The following TMEM132C variants were observed in gnomAD, a reference collection of about 807,000 sequenced individuals.
The protein encoded by TMEM132C is transmembrane protein 132C.
Under a neutral mutation model 61.4 loss-of-function variants are expected in TMEM132C, and 29 were observed. The ratio of observed to expected loss-of-function variants is 0.47; its 90% CI spans 0.35 to 0.64. The LOEUF (loss-of-function observed/expected upper bound fraction) is 0.64. TMEM132C is among the 30% of genes least tolerant of loss of function. TMEM132C has a pLI of 0.00. For synonymous variants in TMEM132C, 656 were observed against 633.1 expected (o/e 1.04, Z -0.54); for missense variants, 1,408 against 1,476.9 (o/e 0.95, Z 0.76).
intron 2 of TMEM132C, among the ~76,000 whole-genome samples, chr12:128,543,086 AAAC>A (rs1354970842): frequency 5.3e-5 from 8 of 152,126 alleles, no homozygotes; most frequent in African/African-American, 1.9e-4. Flanking sequence ...GGTGTGATCA[AAAC>A]AACAGCAGCT....
chr12:128,628,051 G>T (rs1954033639), intron 4 of TMEM132C, among the ~76,000 whole-genome samples: 1 of 152,098 alleles, frequency 6.6e-6, no homozygotes, highest in African/African-American at 2.4e-5. Context: ...TATCGCACCT[G>T]CCCATCTGTG....
At position 128,407,663 on chromosome 12, in the gene TMEM132C, A is replaced by G. The variant is rs181034067; in HGVS notation, c.86-7069A>G. ...CAGGCTTGTTCTTCTTCCTACTATC[A>G]GGTGTCCAAAAGAGGCAGAGTGGAA... On this transcript the variant is annotated intron_variant, in intron 1 of 8. Transcript: ENST00000435159. 3.7e-4 allele frequency among the ~76,000 whole-genome samples: 56 copies of G among 152,226 alleles called. No homozygotes were observed. In the East Asian group the frequency reaches 0.011, roughly 29 times the overall value.
intron 4 of TMEM132C, among the ~76,000 whole-genome samples, chr12:128,639,504 TCAGATC>T (rs1323029589): frequency 6.6e-6 from 1 of 152,112 alleles, no homozygotes; most frequent in Admixed American, 6.5e-5. Flanking sequence ...TAGCCAAAAA[TCAGATC>T]TGATAAATGA....
intron 4 of TMEM132C, among the ~76,000 whole-genome samples, chr12:128,641,889 A>C (rs569280774): frequency 6.7e-6 from 1 of 150,020 alleles, no homozygotes; most frequent in Non-Finnish European, 1.5e-5. Flanking sequence ...CCACCTCTTA[A>C]GTTCAAGTGA....
At chr12:128,490,429 C>A (rs60231244) in intron 2 of TMEM132C, among the ~76,000 whole-genome samples, 1 of 152,184 alleles carries the variant, frequency 6.6e-6, no homozygotes, top group Non-Finnish European at 1.5e-5. Flanking sequence ...CTTCCACACC[C>A]TCATTGCCCC....
chr12:128,328,201 C>G (rs1197543060), intron 1 of TMEM132C, among the ~76,000 whole-genome samples: 2 of 152,030 alleles, frequency 1.3e-5, no homozygotes, highest in African/African-American at 4.8e-5. Context: ...TGAGCTATTT[C>G]AAAATAACTA....
intron 2 of TMEM132C, among the ~76,000 whole-genome samples, chr12:128,496,527 C>T (rs1871967229): frequency 6.6e-6 from 1 of 152,132 alleles, no homozygotes; most frequent in Admixed American, 6.5e-5. Flanking sequence ...AGGCTTTATT[C>T]ATTTCTTTTT....
chr12:128,564,052 G>T (rs753500036), intron 3 of TMEM132C, among the ~76,000 whole-genome samples: 5 of 152,194 alleles, frequency 3.3e-5, no homozygotes, highest in Non-Finnish European at 7.3e-5. Flanking sequence ...TAAAGGCACC[G>T]CAGACCTGTT....
chr12:128,624,614 T>G (rs1205960700), intron 4 of TMEM132C, among the ~76,000 whole-genome samples: 4 of 150,948 alleles, frequency 2.6e-5, no homozygotes, highest in Non-Finnish European at 4.4e-5. Flanking sequence ...GAGAACTAAC[T>G]GTACTCAGAA....
intron 1 of TMEM132C, among the ~76,000 whole-genome samples, chr12:128,274,652 C>A (rs754808604): frequency 3.3e-5 from 5 of 152,128 alleles, no homozygotes; most frequent in Non-Finnish European, 7.3e-5. Context: ...TTTAGGGTAC[C>A]GCAGTTGGAA....
intron 1 of TMEM132C, among the ~76,000 whole-genome samples, chr12:128,290,288 A>G (rs868717091): frequency 6.6e-6 from 1 of 152,108 alleles, no homozygotes; most frequent in Non-Finnish European, 1.5e-5. Flanking sequence ...GCCTCAGGAA[A>G]CTTACAGTCA....
At chr12:128,374,094 G>T (rs1874109099) in intron 1 of TMEM132C, among the ~76,000 whole-genome samples, 1 of 152,198 alleles carries the variant, frequency 6.6e-6, no homozygotes, top group African/African-American at 2.4e-5. Flanking sequence ...ACACGATGAG[G>T]AAATGCAGGT....
At chr12:128,527,759 A>G (rs1167639118) in intron 2 of TMEM132C, among the ~76,000 whole-genome samples, 1 of 151,604 alleles carries the variant, frequency 6.6e-6, no homozygotes, top group Non-Finnish European at 1.5e-5. Flanking sequence ...TTCCCCTACC[A>G]TAGTGGAAAA....
At position 128,278,087 on chromosome 12, in the gene TMEM132C, A is replaced by G. The variant is rs918802945; in HGVS notation, c.85+10600A>G. Among the ~76,000 whole-genome samples, 2 of 152,032 alleles carry G rather than the reference A, an allele frequency of 1.3e-5. No homozygotes were observed. The highest frequency in any genetic ancestry group is 2.4e-5 in the African/African-American group (1 of 41,398). The stretch of plus-strand genomic sequence containing the variant: ...TGTGGGATCCCTGGGCTGAGTTGCT[A>G]AAGCCTGCCAGTTTCTCATGCCGCA... On this transcript the variant is annotated intron_variant, in intron 1 of 8. Coordinates refer to ENST00000435159, the MANE Select transcript of TMEM132C (RefSeq NM_001136103.3). This position sits in a 1 kb window ranked among gnomAD's most constrained non-coding sequence, Gnocchi z 4.2.
At chr12:128,590,723 C>T (rs1163262247) in intron 3 of TMEM132C, among the ~76,000 whole-genome samples, 1 of 152,166 alleles carries the variant, frequency 6.6e-6, no homozygotes, top group Non-Finnish European at 1.5e-5. Flanking sequence ...ACATGCTGGA[C>T]TGGAAGCTGC....
chr12:128,650,477 A>G (rs918020458), intron 4 of TMEM132C, among the ~76,000 whole-genome samples: 2 of 152,296 alleles, frequency 1.3e-5, no homozygotes, highest in Admixed American at 1.3e-4. Flanking sequence ...TAATCCCAGC[A>G]CTTTGGGAGG....
intron 2 of TMEM132C, among the ~76,000 whole-genome samples, chr12:128,517,379 G>A (rs1339232880): frequency 6.6e-6 from 1 of 151,682 alleles, no homozygotes; most frequent in Admixed American, 6.6e-5. Context: ...AGTTTGCAGT[G>A]AGCCGAGATC....
At chr12:128,566,894 A>G (rs935205531) in intron 3 of TMEM132C, among the ~76,000 whole-genome samples, 1 of 152,200 alleles carries the variant, frequency 6.6e-6, no homozygotes, top group Non-Finnish European at 1.5e-5. Flanking sequence ...CACCACCTAC[A>G]GTTACTTTGA....
chr12:128,481,706 A>G (rs553274974), intron 2 of TMEM132C, among the ~76,000 whole-genome samples: 1 of 152,280 alleles, frequency 6.6e-6, no homozygotes, highest in African/African-American at 2.4e-5. Context: ...TTAACTTGAC[A>G]TCCATGGTTT....
Sources: gnomAD v4.1 joint callset for allele counts (sites outside exome capture counted in the v4.1 genomes callset) on GRCh38, gnomAD v4.1.1 for gene constraint, Gnocchi (gnomAD v3.1) non-coding constraint, MANE v1.5 for transcripts, NCBI Gene and HGNC (gene_info 2026-07-23, HGNC 2026-07-21) for gene names.